Variants in CTNNA1 observed in about 807,000 individuals in gnomAD.
CTNNA1 encodes the protein catenin alpha 1.
Under a neutral mutation model 98.4 loss-of-function variants are expected in CTNNA1, and 37 were observed. That is an observed-to-expected ratio of 0.38 (90% confidence interval 0.29 to 0.49). The LOEUF (loss-of-function observed/expected upper bound fraction) is 0.49, where lower values mean the gene tolerates loss of function less well. Ranked by LOEUF, CTNNA1 falls within the 20% of genes least tolerant of loss-of-function variation. The probability of loss-of-function intolerance (pLI) is 0.95; values close to 1 mark genes in which losing one functional copy is unlikely to be tolerated. For synonymous variants in CTNNA1, 404 were observed against 413.2 expected (o/e 0.98, Z 0.27); for missense variants, 761 against 1,147.2 (o/e 0.66, Z 4.86).
chr5:138,825,145 AC>A (rs1760515858), intron 6 of CTNNA1, among the ~76,000 whole-genome samples: 2 of 152,180 alleles, frequency 1.3e-5, no homozygotes, highest in Admixed American at 6.5e-5. Context: ...AACTAAGTAC[AC>A]GTAGGGTCAG....
chr5:138,760,426 C>T (rs1330677367), intron 1 of CTNNA1, among the ~76,000 whole-genome samples: 10 of 146,640 alleles, frequency 6.8e-5, no homozygotes, highest in Admixed American at 1.4e-4. Context: ...TGCAGTGGTG[C>T]GATCTTGGCT....
At chr5:138,824,260 G>T (rs574077901) in intron 5 of CTNNA1, among the ~76,000 whole-genome samples, 1 of 152,210 alleles carries the variant, frequency 6.6e-6, no homozygotes, top group East Asian at 1.9e-4. Context: ...TTAGCCCTGA[G>T]GGTTTAAAAT....
At chr5:138,756,025 GGCTT>G (rs1751608043) in intron 1 of CTNNA1, among the ~76,000 whole-genome samples, 1 of 96,514 alleles carries the variant, frequency 1.0e-5, no homozygotes, top group African/African-American at 3.7e-5. Context: ...TACCACGCCC[GGCTT>G]ATTTATTTAT....
At chr5:138,816,474 T>C (rs1416396603) in intron 5 of CTNNA1, among the ~76,000 whole-genome samples, 1 of 152,236 alleles carries the variant, frequency 6.6e-6, no homozygotes, top group East Asian at 1.9e-4. Flanking sequence ...ATGGCTGTAC[T>C]GATTTACATT....
At chr5:138,881,686 CTT>C (rs1243480126) in intron 7 of CTNNA1, among the ~76,000 whole-genome samples, 1 of 152,110 alleles carries the variant, frequency 6.6e-6, no homozygotes, top group East Asian at 1.9e-4. Context: ...CCCCAGTTCT[CTT>C]TTTTATTGTC....
chr5:138,894,322 C>T (rs1756250918), intron 9 of CTNNA1, among the ~76,000 whole-genome samples: 1 of 147,040 alleles, frequency 6.8e-6, no homozygotes, highest in Non-Finnish European at 1.5e-5. Context: ...CACTTTGTCA[C>T]CTAGGCTGGT....
At chr5:138,776,903 AC>A (rs1754325625) in intron 1 of CTNNA1, among the ~76,000 whole-genome samples, 1 of 90,570 alleles carries the variant, frequency 1.1e-5, no homozygotes, top group Admixed American at 1.2e-4. Flanking sequence ...CAGGGGGCTG[AC>A]CCCCCCACCT....
chr5:138,792,315 T>C (rs1266291810), intron 3 of CTNNA1, among the ~76,000 whole-genome samples: 1 of 152,214 alleles, frequency 6.6e-6, no homozygotes, highest in Non-Finnish European at 1.5e-5. Flanking sequence ...GTCAGGCTCT[T>C]GAGGCATGAT....
At chr5:138,801,982 G>A (rs990106803) in intron 3 of CTNNA1, among the ~76,000 whole-genome samples, 5 of 152,254 alleles carry the variant, frequency 3.3e-5, no homozygotes, top group Middle Eastern at 3.4e-3. Flanking sequence ...AATGTGTGAT[G>A]TCATTAAAAA....
intron 2 of CTNNA1, 121 bp downstream of exon 2, chr5:138,782,150 C>A: frequency 1.1e-6 from 1 of 927,058 alleles, no homozygotes; most frequent in Non-Finnish European, 1.6e-6. Flanking sequence ...GTTTAGGTGA[C>A]AGTTCTTAGA....
intron 7 of CTNNA1, among the ~76,000 whole-genome samples, chr5:138,879,787 CTT>C (rs942510667): frequency 7.2e-5 from 11 of 152,138 alleles, no homozygotes; most frequent in African/African-American, 2.7e-4. Flanking sequence ...CTTTTGTTAT[CTT>C]GTTAGTAAAC....
chr5:138,874,545 T>G lies in CTNNA1; in HGVS notation c.1063-11667T>G. ...AGCATAGGGGCCCCTAATGGCCACT[T>G]GAAATGTAAGCCTGCAGAATATAAT... On this transcript the variant is annotated intron_variant, in intron 7 of 17. Transcript: ENST00000302763. This position sits in a 1 kb window ranked among gnomAD's most constrained non-coding sequence, Gnocchi z 4.1. 1 of 1,562,510 alleles carries G rather than the reference T, an allele frequency of 6.4e-7. No homozygotes were observed. The highest frequency in any genetic ancestry group is 8.7e-7 in the Non-Finnish European group (1 of 1,148,866).
intron 3 of CTNNA1, among the ~76,000 whole-genome samples, chr5:138,807,524 T>C (rs1470114084): frequency 6.6e-6 from 1 of 152,094 alleles, no homozygotes; most frequent in Admixed American, 6.6e-5. Context: ...TTCTTACAGC[T>C]TGTATGTTAA....
At chr5:138,933,713 TA>T in intron 17 of CTNNA1, 88 bp from the exon 18 acceptor site, 1 of 1,372,680 alleles carries the variant, frequency 7.3e-7, no homozygotes, top group Non-Finnish European at 1.0e-6. Context: ...TGCAGAGGAG[TA>T]GGGGGCTCCC....
intron 7 of CTNNA1, among the ~76,000 whole-genome samples, chr5:138,862,272 C>G (rs993073894): frequency 7.2e-5 from 11 of 152,124 alleles, no homozygotes; most frequent in Admixed American, 2.0e-4. Context: ...ATAATTCTGG[C>G]AAATCTGCCT....
Position 138,785,082 on chromosome 5 carries a change from G to A in CTNNA1, c.301+1710G>A, listed in dbSNP as rs567616330. Among the ~76,000 whole-genome samples, 292 of 131,666 alleles carry A rather than the reference G, an allele frequency of 2.2e-3. 2 individuals carry two copies. Among genetic ancestry groups the A allele is most frequent in the Non-Finnish European group, 2.3e-3 (144 of 62,734 alleles). 86.4% of individuals were successfully genotyped at this position (131,666 alleles called of 152,430 possible). A position where few individuals can be genotyped will look rare whatever the true frequency, so the allele number is the denominator to read the frequency against. ...TTAATTAATTTTTTTTTTTTTTTGA[G>A]ACGGAGTCTCGCTCTGTCGCCCAGG... On this transcript the variant is annotated intron_variant, in intron 3 of 17. Transcript: ENST00000302763.
Position 138,822,019 on chromosome 5 carries a change from AAAG to A in CTNNA1, c.589-2508_589-2506del, listed in dbSNP as rs147688467. On this transcript the variant is annotated intron_variant, in intron 5 of 17. Transcript: ENST00000302763. ...GCAAGAGCAGTTCTAAAGAGAGAAAAAAGAACACTTTAGCAGTCAGGACAAATG... is the reference window on the plus strand; with the variant it reads ...GCAAGAGCAGTTCTAAAGAGAGAAAAAACACTTTAGCAGTCAGGACAAATG... Among the ~76,000 whole-genome samples, 746 of 152,348 alleles carry A rather than the reference AAAG, an allele frequency of 4.9e-3. 1 individual carries two copies. Among genetic ancestry groups the A allele is most frequent in the African/African-American group, 0.017 (715 of 41,574 alleles).
chr5:138,766,791 G>A (rs1443222181), intron 1 of CTNNA1, among the ~76,000 whole-genome samples: 8 of 152,098 alleles, frequency 5.3e-5, no homozygotes, highest in Admixed American at 3.3e-4. Context: ...GCAGGGAGAA[G>A]CCCTATACTT....
In CTNNA1 at chr5:138,767,811, C is replaced by T. The variant is rs568886194; in HGVS notation, c.-2-14112C>T. Among the ~76,000 whole-genome samples, 55 of 152,276 alleles carry T rather than the reference C, an allele frequency of 3.6e-4. 2 individuals are homozygous for T. The highest frequency in any genetic ancestry group is 3.3e-3 in the Admixed American group (51 of 15,300). On this transcript the variant is annotated intron_variant, in intron 1 of 17. Coordinates refer to ENST00000302763, the MANE Select transcript of CTNNA1 (RefSeq NM_001903.5). ...TTTAGCATGTTATTCTGAAGAATAACATAACAGGCCCTGCATAACCCTGAC... is the reference window on the plus strand; with the variant it reads ...TTTAGCATGTTATTCTGAAGAATAATATAACAGGCCCTGCATAACCCTGAC...
Sources: allele counts gnomAD v4.1 joint callset (sites outside exome capture counted in the v4.1 genomes callset), GRCh38; gene constraint gnomAD v4.1.1; non-coding constraint Gnocchi (gnomAD v3.1); transcripts MANE v1.5; gene names NCBI Gene and HGNC (gene_info 2026-07-23, HGNC 2026-07-21).